The following COL5A2 variants were observed in gnomAD, a reference collection of about 807,000 sequenced individuals.
COL5A2 encodes the protein collagen type V alpha 2 chain, also known as collagen alpha-2(V) chain.
Under a neutral mutation model 208.2 loss-of-function variants are expected in COL5A2, and 23 were observed. The ratio of observed to expected loss-of-function variants is 0.11; its 90% confidence interval spans 0.08 to 0.16. COL5A2 has a LOEUF of 0.16. COL5A2 is among the 10% of genes least tolerant of loss of function. COL5A2 has a pLI of 1.00. For synonymous variants in COL5A2, 625 were observed against 628.5 expected (o/e 0.99, Z 0.08); for missense variants, 1,590 against 1,956.4 (o/e 0.81, Z 3.53).
the COL5A2 span, among the ~76,000 whole-genome samples, chr2:189,393,385 A>G: frequency 4.0e-4 from 61 of 152,302 alleles, no homozygotes; most frequent in African/African-American, 1.4e-3. Context: ...TCATATGCAA[A>G]TAGCTTTTAC....
At chr2:189,413,783 A>ATTTTTTT in the COL5A2 span, among the ~76,000 whole-genome samples, 2 of 79,176 alleles carry the variant, frequency 2.5e-5, no homozygotes, top group Non-Finnish European at 4.5e-5. Context: ...CCTTGGCGTC[A>ATTTTTTT]TTTTTTTTTT....
rs550298257 is a variant in COL5A2, at chr2:189,177,977, G to A, written c.97+1531C>T. On this transcript the variant is annotated intron_variant, in intron 1 of 53. Coordinates refer to ENST00000374866, the MANE Select transcript of COL5A2 (RefSeq NM_000393.5). Reference sequence around the variant, plus strand: ...TTAAATTAAAGTTGGTTGTTTTGGTGGGGGAGGGGAGTAAACTGTTCTTTC... The same window carrying A: ...TTAAATTAAAGTTGGTTGTTTTGGTAGGGGAGGGGAGTAAACTGTTCTTTC... Among the ~76,000 whole-genome samples, 10 of 152,212 alleles carry A rather than the reference G, an allele frequency of 6.6e-5. No homozygotes were observed. The South Asian group carries it at 2.1e-3, about 32-fold the overall frequency.
chr2:189,313,431 T>C, the COL5A2 span, among the ~76,000 whole-genome samples: 1 of 151,988 alleles, frequency 6.6e-6, no homozygotes, highest in African/African-American at 2.4e-5. Context: ...TTACAAGAGA[T>C]CCTGAAGGAA....
intron 1 of COL5A2, among the ~76,000 whole-genome samples, chr2:189,151,709 A>G (rs1167392280): frequency 6.6e-6 from 1 of 152,162 alleles, no homozygotes; most frequent in Non-Finnish European, 1.5e-5. Flanking sequence ...CCACTAGTGT[A>G]CCTTCTCTAA....
At chr2:189,161,611 A>T (rs1688365925) in intron 1 of COL5A2, among the ~76,000 whole-genome samples, 1 of 152,244 alleles carries the variant, frequency 6.6e-6, no homozygotes, top group African/African-American at 2.4e-5. Flanking sequence ...ATCTAACAAC[A>T]GAGAAAAAGC....
In COL5A2 at chr2:189,041,738, T is replaced by A. The variant is rs529927639; in HGVS notation, c.3526-45A>T. 2,142 of 1,260,126 alleles carry A rather than the reference T, an allele frequency of 1.7e-3. 29 individuals carry two copies. The South Asian group carries it at 0.021, about 12-fold the overall frequency. The allele number at this position is 1,260,126 out of a possible 1,614,324, so 78.1% of individuals were successfully genotyped here. On this transcript the variant is annotated intron_variant, in intron 49 of 53. Coordinates refer to ENST00000374866, the MANE Select transcript of COL5A2 (RefSeq NM_000393.5). Reference sequence around the variant, plus strand: ...TAGTTTAGATTCTATGAAGGAAAAATTTTACAATGCCTTTCTCTAATCAAA... The same window carrying A: ...TAGTTTAGATTCTATGAAGGAAAAAATTTACAATGCCTTTCTCTAATCAAA...
the COL5A2 span, among the ~76,000 whole-genome samples, chr2:189,255,343 T>C: frequency 2.0e-5 from 3 of 152,222 alleles, no homozygotes; most frequent in African/African-American, 4.8e-5. Flanking sequence ...TTTTTTCCAA[T>C]GTACAATAAA....
the COL5A2 span, among the ~76,000 whole-genome samples, chr2:189,294,020 G>A: frequency 3.3e-5 from 5 of 151,678 alleles, no homozygotes; most frequent in Admixed American, 2.0e-4. Flanking sequence ...CCTGGGAAGC[G>A]GAGCTTGCAG....
the COL5A2 span, among the ~76,000 whole-genome samples, chr2:189,380,133 T>C: frequency 3.2e-4 from 48 of 151,958 alleles, no homozygotes; most frequent in African/African-American, 1.1e-3. Flanking sequence ...AAGTCAGAAA[T>C]ATACACATAA....
chr2:189,411,487 T>G, the COL5A2 span, among the ~76,000 whole-genome samples: 1 of 152,192 alleles, frequency 6.6e-6, no homozygotes, highest in African/African-American at 2.4e-5. Flanking sequence ...CCACCTACTT[T>G]TTTTTGGAAA....
chr2:189,333,515 G>T, the COL5A2 span, among the ~76,000 whole-genome samples: 12 of 152,078 alleles, frequency 7.9e-5, no homozygotes, highest in Non-Finnish European at 1.0e-4. Context: ...AATGTGAGTA[G>T]CTATATGTTA....
the COL5A2 span, among the ~76,000 whole-genome samples, chr2:189,284,054 T>C: frequency 1.3e-5 from 2 of 152,186 alleles, no homozygotes; most frequent in Non-Finnish European, 1.5e-5. Context: ...TGAATAAGCA[T>C]ACTGATATTT....
At chr2:189,239,140 A>G in the COL5A2 span, among the ~76,000 whole-genome samples, 2 of 152,124 alleles carry the variant, frequency 1.3e-5, no homozygotes, top group Non-Finnish European at 2.9e-5. Context: ...ATTCTAGCTG[A>G]TCATCATCAC....
intron 16 of COL5A2, among the ~76,000 whole-genome samples, chr2:189,076,547 T>C (rs1417015247): frequency 1.3e-5 from 2 of 152,318 alleles, no homozygotes; most frequent in East Asian, 3.9e-4. Flanking sequence ...ACTAAAAGGC[T>C]GATGGTGATA....
Position 189,080,838 on chromosome 2 carries a change from A to T in COL5A2, c.906+152T>A, listed in dbSNP as rs954733905. 7.4e-6 allele frequency: 5 copies of T among 680,196 alleles called. No homozygotes were observed. The Admixed American group carries it at 1.3e-4, about 17-fold the overall frequency. 42.1% of individuals were successfully genotyped at this position (680,196 alleles called of 1,614,324 possible). A position where few individuals can be genotyped will look rare whatever the true frequency, so the allele number is the denominator to read the frequency against. On this transcript the variant is annotated intron_variant, in intron 13 of 53. Transcript: ENST00000374866. Reference sequence around the variant, plus strand: ...AAACTCAAAGGAAATGTATTAAAAAATTGTGATTTCAGTAACCACAGATGA... The same window carrying T: ...AAACTCAAAGGAAATGTATTAAAAATTTGTGATTTCAGTAACCACAGATGA...
At chr2:189,223,252 C>T (rs775711321) in intron 1 of COL5A2, among the ~76,000 whole-genome samples, 9 of 151,992 alleles carry the variant, frequency 5.9e-5, no homozygotes, top group Non-Finnish European at 1.0e-4. Context: ...CATTTTTTTC[C>T]TCCTCCAGAC....
At position 189,100,021 on chromosome 2, in the gene COL5A2, G is replaced by T. The variant is rs55977069; in HGVS notation, c.369+86C>A. ...TAAAATAACTAATTTATTTTTGAAA[G>T]TATGTACATAAGCAATAATATACAA... is the stretch of plus-strand genomic sequence containing the variant. On this transcript the variant is annotated intron_variant, in intron 4 of 53. Coordinates refer to ENST00000374866, the MANE Select transcript of COL5A2 (RefSeq NM_000393.5). 0.14 allele frequency: 155,280 copies of T among 1,132,156 alleles called. 11,296 individuals carry two copies. Among genetic ancestry groups the T allele is most frequent in the Middle Eastern group, 0.23 (895 of 3,882 alleles). 70.1% of individuals were successfully genotyped at this position (1,132,156 alleles called of 1,614,324 possible).
the COL5A2 span, among the ~76,000 whole-genome samples, chr2:189,349,502 G>C: frequency 3.9e-5 from 6 of 152,114 alleles, no homozygotes; most frequent in African/African-American, 1.4e-4. Context: ...ATAGCAATCT[G>C]GGGTGTAGCA....
the COL5A2 span, among the ~76,000 whole-genome samples, chr2:189,308,347 T>A: frequency 1.3e-5 from 2 of 151,942 alleles, no homozygotes; most frequent in Non-Finnish European, 2.9e-5. Flanking sequence ...CATTAAGCAA[T>A]AAGACACCAA....
Sources: allele counts gnomAD v4.1 joint callset (sites outside exome capture counted in the v4.1 genomes callset), GRCh38; gene constraint gnomAD v4.1.1; transcripts MANE v1.5; gene names NCBI Gene and HGNC (gene_info 2026-07-23, HGNC 2026-07-21).